C12orf56: variants seen among roughly 807,000 people sequenced by gnomAD.
The protein encoded by C12orf56 is uncharacterized protein C12orf56.
A neutral mutation model predicts 69.9 loss-of-function variants in C12orf56; 71 were observed. The observed-to-expected ratio is 1.02, with a 90% CI of 0.84 to 1.24. The LOEUF is 1.24. C12orf56 is among the 50% of genes most tolerant of loss of function. The pLI is 0.00. For synonymous variants in C12orf56, 276 were observed against 274.1 expected, an observed-to-expected ratio of 1.01 and a Z score of -0.07; for missense variants, 732 against 738.5, an observed-to-expected ratio of 0.99 and a Z score of 0.10.
intron 5 of C12orf56, among the ~76,000 whole-genome samples, chr12:64,309,381 A>G (rs376586754): frequency 1.1e-4 from 17 of 152,308 alleles, no homozygotes; most frequent in African/African-American, 3.8e-4. Context: ...GTGAAATCAT[A>G]TATTTGCCCT....
intron 1 of C12orf56, among the ~76,000 whole-genome samples, chr12:64,366,777 A>G (rs1191924352): frequency 1.3e-4 from 5 of 37,940 alleles, no homozygotes; most frequent in African/African-American, 6.2e-4. Context: ...GTTTATATAT[A>G]TTATATATAA....
chr12:64,345,116 T>C (rs553257363), intron 2 of C12orf56, among the ~76,000 whole-genome samples: 3 of 152,312 alleles, frequency 2.0e-5, no homozygotes, highest in East Asian at 3.9e-4. Context: ...GAGGTTCTTT[T>C]TGAATGTAGC....
chr12:64,374,928 T>C (rs2135977807), intron 1 of C12orf56, among the ~76,000 whole-genome samples: 1 of 152,334 alleles, frequency 6.6e-6, no homozygotes, highest in South Asian at 2.1e-4. Flanking sequence ...ATTGCGGTTT[T>C]TGCATTGTTG....
At chr12:64,329,842 T>C (rs372322517) in intron 3 of C12orf56, among the ~76,000 whole-genome samples, 14 of 150,650 alleles carry the variant, frequency 9.3e-5, no homozygotes, top group African/African-American at 1.5e-4. Flanking sequence ...CATGTCCCTA[T>C]AAAGGACATG....
Position 64,331,014 on chromosome 12 carries a change from C to A in C12orf56, c.434G>T (p.Gly145Val). Residue 145 changes from glycine to valine, a missense_variant, in exon 3 of 13, where the codon GGC (glycine) becomes GTC (valine). Transcript: ENST00000543942. ...NNKKVKEEKN[G>V]LAFWRSKESR... ...CTCTTTGCTTCTCCAAAAGGCAAGGCCGTTCTTTTCTTCCTTGACTTAAAA... is the reference window on the plus strand; with the variant it reads ...CTCTTTGCTTCTCCAAAAGGCAAGGACGTTCTTTTCTTCCTTGACTTAAAA... The A allele has an allele frequency of 6.5e-7, 1 of 1,549,256 alleles. No individual in the cohort carries two copies. The highest frequency in any genetic ancestry group is 8.7e-7 in the Non-Finnish European group (1 of 1,146,896).
In C12orf56 at chr12:64,270,622, G is replaced by A; in HGVS notation, c.1677C>T (p.Tyr559=). 1.2e-6 allele frequency: 2 copies of A among 1,613,786 alleles called. No individual in the cohort carries two copies. Among genetic ancestry groups the A allele is most frequent in the Admixed American group, 1.7e-5 (1 of 60,000 alleles). ...AGCTCTTGAGGATGTAAAATTGCTG[G>A]TACAACAGAACTGCTTGGCAGGGAC... is the stretch of plus-strand genomic sequence containing the variant. ...LLSPCQAVLL[Y]QQFYILKSCL... The change falls in exon 12 of 13, where the codon TAC becomes TAT. Residue 559 remains tyrosine (Y), a synonymous_variant. Coordinates refer to ENST00000543942, the MANE Select transcript of C12orf56 (RefSeq NM_001170633.2).
At chr12:64,303,496 G>A (rs2038473585) in intron 6 of C12orf56, 139 bp downstream of exon 6, 1 of 716,740 alleles carries the variant, frequency 1.4e-6, no homozygotes, top group South Asian at 2.1e-5. Flanking sequence ...ATTAAGACAT[G>A]ACTACATTAA....
chr12:64,344,232 G>A (rs767407384), intron 2 of C12orf56, among the ~76,000 whole-genome samples: 4 of 152,312 alleles, frequency 2.6e-5, no homozygotes, highest in East Asian at 3.9e-4. Context: ...TGTTGGTAAT[G>A]TAGTGGGGTC....
At chr12:64,343,955 C>A (rs1286524643) in intron 2 of C12orf56, among the ~76,000 whole-genome samples, 1 of 152,090 alleles carries the variant, frequency 6.6e-6, no homozygotes, top group African/African-American at 2.4e-5. Flanking sequence ...GGGAAATGAC[C>A]ACAGGATGAG....
chr12:64,310,484 G>A lies in C12orf56; in HGVS notation c.968+2195C>T, dbSNP rs1290753874. Reference sequence around the variant, plus strand: ...TCATCTAGGGCTACTTGGTTATCCTGAACTCGTTACGGTTCATGGAGGAAA... The same window carrying A: ...TCATCTAGGGCTACTTGGTTATCCTAAACTCGTTACGGTTCATGGAGGAAA... On this transcript the variant is annotated intron_variant, in intron 5 of 12. Transcript: ENST00000543942. 3.9e-5 allele frequency among the ~76,000 whole-genome samples: 6 copies of A among 152,238 alleles called. No individual in the cohort carries two copies. In the East Asian group the frequency reaches 9.6e-4, roughly 24 times the overall value.
rs549204720 is a variant in C12orf56, at chr12:64,266,660, G to C, written c.*523C>G. The C allele has an allele frequency of 1.8e-5, 16 of 887,598 alleles. No homozygotes were observed. In the South Asian group the frequency reaches 7.3e-4, roughly 40 times the overall value. The allele number at this position is 887,598 out of a possible 1,614,324, so 55.0% of individuals were successfully genotyped here. On this transcript the variant is annotated 3_prime_UTR_variant, in exon 13 of 13. Transcript: ENST00000543942. ...GGGTGAAGAGCATGCTCCTGTGCCT[G>C]GCATGGTTTCACCGAGAACACTGTG...
At chr12:64,312,857 G>T in intron 4 of C12orf56, 105 bp from the exon 5 acceptor site, 2 of 736,810 alleles carry the variant, frequency 2.7e-6, no homozygotes, top group Non-Finnish European at 4.3e-6. Context: ...CCCTCCTATA[G>T]TACACGATTT....
intron 1 of C12orf56, among the ~76,000 whole-genome samples, chr12:64,366,040 ATATATTATATATAATATATAGCTTG>A (rs1565776882): frequency 1.1e-5 from 1 of 91,944 alleles, no homozygotes; most frequent in East Asian, 5.3e-4. Flanking sequence ...TATATAGTTT[ATATATTATATATAATATATAGCTTG>A]TATAATATAT....
chr12:64,326,595 G>C (rs372598644), intron 3 of C12orf56, among the ~76,000 whole-genome samples: 11 of 152,030 alleles, frequency 7.2e-5, no homozygotes, highest in African/African-American at 2.7e-4. Flanking sequence ...AAATTAGCTG[G>C]GTGTGGTGGC....
intron 2 of C12orf56, among the ~76,000 whole-genome samples, chr12:64,334,003 A>G (rs145883238): frequency 5.3e-5 from 8 of 152,306 alleles, no homozygotes; most frequent in Admixed American, 1.3e-4. Context: ...CTGCTGCTGT[A>G]TTCTCTAGTG....
intron 8 of C12orf56, among the ~76,000 whole-genome samples, chr12:64,278,238 C>A (rs1245864076): frequency 6.6e-6 from 1 of 152,196 alleles, no homozygotes; most frequent in East Asian, 1.9e-4. Flanking sequence ...CAGGACTTCT[C>A]AGAGGCTTTA....
intron 2 of C12orf56, among the ~76,000 whole-genome samples, chr12:64,343,223 G>T (rs377146188): frequency 2.4e-4 from 37 of 152,228 alleles, no homozygotes; most frequent in Admixed American, 9.2e-4. Flanking sequence ...GAGGTAGAAG[G>T]TCCCTGAATT....
At chr12:64,366,940 C>T (rs1184676581) in intron 1 of C12orf56, among the ~76,000 whole-genome samples, 2 of 115,112 alleles carry the variant, frequency 1.7e-5, no homozygotes, top group Non-Finnish European at 1.6e-5. Context: ...TTATATATAA[C>T]ATACACTTTA....
At position 64,353,060 on chromosome 12, in the gene C12orf56, G is replaced by C. The variant is rs767822303; in HGVS notation, c.253-4C>G. On this transcript the variant is annotated splice_region_variant and splice_polypyrimidine_tract_variant and intron_variant, in intron 1 of 12. Transcript: ENST00000543942. ...AAAATTCCGGGTAATCATCAATCTGGAAAAAAAATTAATTCACCTCATTGA... is the reference window on the plus strand; with the variant it reads ...AAAATTCCGGGTAATCATCAATCTGCAAAAAAAATTAATTCACCTCATTGA... 1 of 1,602,664 alleles carries C rather than the reference G, an allele frequency of 6.2e-7. No homozygotes were observed. Among genetic ancestry groups the C allele is most frequent in the Non-Finnish European group, 8.5e-7 (1 of 1,175,804 alleles).
Sources: allele counts gnomAD v4.1 joint callset (sites outside exome capture counted in the v4.1 genomes callset), GRCh38; gene constraint gnomAD v4.1.1; transcripts MANE v1.5; gene names NCBI Gene and HGNC (gene_info 2026-07-23, HGNC 2026-07-21).